Variants in SKAP2 observed in about 807,000 individuals in gnomAD.
The protein encoded by SKAP2 is src kinase associated phosphoprotein 2.
SKAP2 carries 28 observed loss-of-function variants against 54.9 expected under a neutral mutation model. That is an observed-to-expected ratio of 0.51 (90% confidence interval 0.38 to 0.70). SKAP2 has a LOEUF of 0.70. SKAP2 is among the 30% of genes least tolerant of loss of function. The pLI is 0.00. For synonymous variants in SKAP2, 137 were observed against 134.3 expected (o/e 1.02, Z -0.14); for missense variants, 356 against 424.1 (o/e 0.84, Z 1.41).
chr7:26,804,229 T>C (rs151237612), intron 4 of SKAP2, among the ~76,000 whole-genome samples: 1 of 152,176 alleles, frequency 6.6e-6, no homozygotes, highest in Non-Finnish European at 1.5e-5. Flanking sequence ...ATGTACCCCA[T>C]AAATGTATAC....
intron 4 of SKAP2, among the ~76,000 whole-genome samples, chr7:26,764,777 T>C (rs1783009633): frequency 6.6e-6 from 1 of 152,126 alleles, no homozygotes; most frequent in Non-Finnish European, 1.5e-5. Context: ...GGTCTCGATC[T>C]CCTGACCTCG....
chr7:26,718,875 G>A (rs1035677569), intron 9 of SKAP2, among the ~76,000 whole-genome samples: 2 of 151,422 alleles, frequency 1.3e-5, no homozygotes, highest in African/African-American at 4.8e-5. Context: ...TTGTAAATAA[G>A]GATTTAAAAA....
chr7:26,854,017 C>T, intron 3 of SKAP2, 120 bp downstream of exon 3: 1 of 655,454 alleles, frequency 1.5e-6, no homozygotes, highest in Non-Finnish European at 2.6e-6. Flanking sequence ...GGTCTAAGTA[C>T]ACATTACGGA....
At chr7:26,777,372 C>T (rs1012538396) in intron 4 of SKAP2, among the ~76,000 whole-genome samples, 1 of 151,338 alleles carries the variant, frequency 6.6e-6, no homozygotes, top group Non-Finnish European at 1.5e-5. Context: ...TAAATGGGGA[C>T]AAAAAAGAGG....
intron 6 of SKAP2, 79 bp downstream of exon 6, chr7:26,738,716 T>C: frequency 1.3e-6 from 1 of 761,430 alleles, no homozygotes; most frequent in South Asian, 1.4e-5. Context: ...TTCAGTTTAC[T>C]CTGTACTCAA....
chr7:26,827,927 T>C (rs1293132815), intron 4 of SKAP2, among the ~76,000 whole-genome samples: 1 of 152,092 alleles, frequency 6.6e-6, no homozygotes, highest in Non-Finnish European at 1.5e-5. Flanking sequence ...TGTGTCTCAG[T>C]CCCCTATGTG....
At chr7:26,712,254 C>CA (rs1787327247) in intron 9 of SKAP2, among the ~76,000 whole-genome samples, 1 of 152,084 alleles carries the variant, frequency 6.6e-6, no homozygotes, top group African/African-American at 2.4e-5. Flanking sequence ...CTTTGAGTGT[C>CA]AAAAAGTTTC....
intron 4 of SKAP2, among the ~76,000 whole-genome samples, chr7:26,755,848 C>T (rs527889226): frequency 1.3e-5 from 2 of 152,294 alleles, no homozygotes; most frequent in Non-Finnish European, 1.5e-5. Context: ...TCCACTCACC[C>T]CGTTTTGGGG....
intron 3 of SKAP2, among the ~76,000 whole-genome samples, chr7:26,844,850 C>T (rs1280717631): frequency 1.3e-5 from 2 of 152,052 alleles, no homozygotes; most frequent in Non-Finnish European, 2.9e-5. Context: ...CAGTTTCCAA[C>T]TTGATTTTCA....
At chr7:26,723,829 T>C (rs1011050871) in intron 9 of SKAP2, among the ~76,000 whole-genome samples, 4 of 152,136 alleles carry the variant, frequency 2.6e-5, no homozygotes, top group Non-Finnish European at 4.4e-5. Flanking sequence ...ATGGCAGTAA[T>C]ATCGTGTTTA....
chr7:26,801,250 G>A (rs1187858647), intron 4 of SKAP2, among the ~76,000 whole-genome samples: 2 of 152,054 alleles, frequency 1.3e-5, no homozygotes, highest in African/African-American at 2.4e-5. Flanking sequence ...AATGAAGGAT[G>A]AAAACCATAT....
At chr7:26,820,961 T>G (rs1262501899) in intron 4 of SKAP2, among the ~76,000 whole-genome samples, 1 of 152,172 alleles carries the variant, frequency 6.6e-6, no homozygotes, top group Non-Finnish European at 1.5e-5. Context: ...TTATCCCTAA[T>G]TTTACAAATT....
intron 4 of SKAP2, among the ~76,000 whole-genome samples, chr7:26,746,188 A>T (rs998243628): frequency 2.0e-5 from 3 of 152,214 alleles, no homozygotes; most frequent in Non-Finnish European, 4.4e-5. Context: ...ACTTAGCTTT[A>T]GGAAATAGTC....
rs150601365 is a variant in SKAP2, at chr7:26,799,371, G to T, written c.307+44659C>A. Among the ~76,000 whole-genome samples the T allele has an allele frequency of 7.1e-3, 1,078 of 151,824 alleles. 5 individuals are homozygous for T. The highest frequency in any genetic ancestry group is 0.011 in the Admixed American group (168 of 15,268). ...GACTAAAATCAAAGTGATAAAAAAA[G>T]ATATTTCATGCCAATGGAAACCAAA... On this transcript the variant is annotated intron_variant, in intron 4 of 12. Coordinates refer to ENST00000345317, the MANE Select transcript of SKAP2 (RefSeq NM_003930.5).
At chr7:26,656,412 A>G in the SKAP2 span, among the ~76,000 whole-genome samples, 2 of 152,232 alleles carry the variant, frequency 1.3e-5, no homozygotes, top group African/African-American at 4.8e-5. Flanking sequence ...TGTTCATATC[A>G]TAGTCGTTCA....
At chr7:26,711,857 G>A (rs1787313731) in intron 9 of SKAP2, among the ~76,000 whole-genome samples, 1 of 152,182 alleles carries the variant, frequency 6.6e-6, no homozygotes, top group Admixed American at 6.5e-5. Flanking sequence ...AGGAAGTGGG[G>A]AGACCACTTA....
intron 4 of SKAP2, among the ~76,000 whole-genome samples, chr7:26,780,959 G>A (rs886252253): frequency 6.6e-5 from 10 of 152,090 alleles, no homozygotes; most frequent in South Asian, 4.1e-4. Flanking sequence ...TTAAGGATAT[G>A]TTTATAAATT....
chr7:26,805,801 T>C (rs572430206), intron 4 of SKAP2, among the ~76,000 whole-genome samples: 3 of 152,230 alleles, frequency 2.0e-5, no homozygotes, highest in Admixed American at 2.0e-4. Context: ...AAAAGGTTTA[T>C]TACTTAATAA....
chr7:26,761,176 A>C (rs1562600772), intron 4 of SKAP2, among the ~76,000 whole-genome samples: 1 of 152,224 alleles, frequency 6.6e-6, no homozygotes, highest in Non-Finnish European at 1.5e-5. Flanking sequence ...TTTCTTTCTA[A>C]TTCAATTATT....
Sources: gnomAD v4.1 joint callset for allele counts (sites outside exome capture counted in the v4.1 genomes callset) on GRCh38, gnomAD v4.1.1 for gene constraint, MANE v1.5 for transcripts, NCBI Gene and HGNC (gene_info 2026-07-23, HGNC 2026-07-21) for gene names.